SNX17: variants seen among roughly 807,000 people sequenced by gnomAD.
The protein encoded by SNX17 is sorting nexin 17.
A neutral mutation model predicts 64.3 loss-of-function variants in SNX17; 35 were observed. That is an observed-to-expected ratio of 0.54 (90% confidence interval 0.42 to 0.72). The LOEUF (loss-of-function observed/expected upper bound fraction) is 0.72. Among genes scored for constraint, SNX17 ranks in the 30% least tolerant of loss-of-function variants. The probability of loss-of-function intolerance (pLI) is 0.00; values close to 1 mark genes in which losing one functional copy is unlikely to be tolerated. For synonymous variants in SNX17, 259 were observed against 230.2 expected, an observed-to-expected ratio of 1.13 and a Z score of -1.13; for missense variants, 538 against 610.0, an observed-to-expected ratio of 0.88 and a Z score of 1.24.
intron 3 of SNX17, chr2:27,373,035 C>T (rs1297475550): frequency 2.6e-6 from 4 of 1,545,482 alleles, no homozygotes; most frequent in Admixed American, 2.0e-5. Flanking sequence ...TTGTTATTTC[C>T]CTAGTTCTAT....
At chr2:27,374,611 T>C in intron 7 of SNX17, 78 bp from the exon 8 acceptor site, 4 of 1,444,240 alleles carry the variant, frequency 2.8e-6, no homozygotes, top group South Asian at 2.3e-5. Context: ...ATTGCTCCTG[T>C]TTTGCCCATT....
chr2:27,371,271 C>T lies in SNX17; in HGVS notation c.66C>T (p.Ala22=), dbSNP rs767204899. The T allele has an allele frequency of 3.7e-6, 6 of 1,613,526 alleles. No individual in the cohort carries two copies. The African/African-American group carries it at 5.3e-5, about 14-fold the overall frequency. ...CTTGACTACTTTTGTGTCCTCAGGC[C>T]TATAACATTCACGTGAATGGAGTCC... ...SGDSGGSAYV[A]YNIHVNGVLH... is the part of the protein sequence containing the mutation. The change falls in exon 2 of 15, where the codon GCC becomes GCT. Residue 22 remains alanine (A), a splice_region_variant and synonymous_variant. Transcript: ENST00000233575.
At chr2:27,372,934 C>A in intron 3 of SNX17, 194 bp downstream of exon 3, 1 of 1,305,120 alleles carries the variant, frequency 7.7e-7, no homozygotes, top group Admixed American at 2.0e-5. Context: ...AATTTGGGCA[C>A]TAACATCTAT....
In SNX17 at chr2:27,373,241, T is replaced by C. The variant is rs549308135; in HGVS notation, c.257-6T>C. 6.2e-7 allele frequency: 1 copy of C among 1,614,154 alleles called. No individual in the cohort carries two copies. Among genetic ancestry groups the C allele is most frequent in the East Asian group, 2.2e-5 (1 of 44,886 alleles). ...TTCCTGTAATAATGTTCTCTTGTCCTCGTAGTTCGGCAAGACCCATTGCTT... is the reference window on the plus strand; with the variant it reads ...TTCCTGTAATAATGTTCTCTTGTCCCCGTAGTTCGGCAAGACCCATTGCTT... On this transcript the variant is annotated splice_polypyrimidine_tract_variant and splice_region_variant and intron_variant, in intron 3 of 14. Coordinates refer to ENST00000233575, the MANE Select transcript of SNX17 (RefSeq NM_014748.4).
In SNX17 at chr2:27,373,979, G is replaced by C; in HGVS notation, c.432+8G>C. 6.2e-7 allele frequency: 1 copy of C among 1,613,084 alleles called. No homozygotes were observed. The highest frequency in any genetic ancestry group is 8.5e-7 in the Non-Finnish European group (1 of 1,179,036). On this transcript the variant is annotated splice_region_variant and intron_variant, in intron 5 of 14. Coordinates refer to ENST00000233575, the MANE Select transcript of SNX17 (RefSeq NM_014748.4). ...ACTGAGGATGTCCTGGAGGTGAGGC[G>C]CTTGTTCAGCACTGCCCCTTCTTCC...
rs532985156 is a variant in SNX17 at position 27,376,874 on chromosome 2, C to T, written c.*155C>T. On this transcript the variant is annotated 3_prime_UTR_variant, in exon 15 of 15. Transcript: ENST00000233575. Reference sequence around the variant, plus strand: ...GCCAGGGGCCTCGTATCCTACCTTTCCTTGTCCCCTGGGCTGGCTGCACAG... The same window carrying T: ...GCCAGGGGCCTCGTATCCTACCTTTTCTTGTCCCCTGGGCTGGCTGCACAG... 4.7e-6 allele frequency: 3 copies of T among 639,594 alleles called. No homozygotes were observed. The highest frequency in any genetic ancestry group is 2.7e-5 in the Admixed American group (1 of 36,618). 39.6% of individuals were successfully genotyped at this position (639,594 alleles called of 1,614,324 possible).
chr2:27,372,025 C>T (rs2148393428), intron 2 of SNX17, among the ~76,000 whole-genome samples: 1 of 152,284 alleles, frequency 6.6e-6, no homozygotes, highest in East Asian at 1.9e-4. Flanking sequence ...GCTGGGATTA[C>T]AGGCGGCTGC....
rs547310409 is a variant in SNX17, at chr2:27,375,202, G to A, written c.774+49G>A. 2.9e-5 allele frequency: 44 copies of A among 1,528,766 alleles called. No homozygotes were observed. The highest frequency in any genetic ancestry group is 4.1e-5 in the African/African-American group (3 of 73,366). 94.7% of individuals were successfully genotyped at this position (1,528,766 alleles called of 1,614,324 possible). ...TTCCTCTAAGGGCTTGCAGTGGCGCGATCTTGGCTCACTGCAAGCTCTGCC... is the reference window on the plus strand; with the variant it reads ...TTCCTCTAAGGGCTTGCAGTGGCGCAATCTTGGCTCACTGCAAGCTCTGCC... On this transcript the variant is annotated intron_variant, in intron 9 of 14. Coordinates refer to ENST00000233575, the MANE Select transcript of SNX17 (RefSeq NM_014748.4). This position sits in a 1 kb window ranked among gnomAD's most constrained non-coding sequence, Gnocchi z 4.1.
rs1682381314 is a variant in SNX17, at chr2:27,370,698, GCGGCCCT to G, written c.-44_-38del. 1 of 1,517,358 alleles carries G rather than the reference GCGGCCCT, an allele frequency of 6.6e-7. No individual in the cohort carries two copies. The highest frequency in any genetic ancestry group is 8.9e-7 in the Non-Finnish European group (1 of 1,126,222). The allele number at this position is 1,517,358 out of a possible 1,614,324, so 94.0% of individuals were successfully genotyped here. ...CGGAGGGGGAGCGTGCAGAGCCGCT[GCGGCCCT>G]CACAGTCCGGAGCCCGGCCGTGCCG... On this transcript the variant is annotated 5_prime_UTR_variant, in exon 1 of 15. Transcript: ENST00000233575.
In SNX17 at chr2:27,376,834, A is replaced by C; in HGVS notation, c.*115A>C. On this transcript the variant is annotated 3_prime_UTR_variant, in exon 15 of 15. Transcript: ENST00000233575. ...GTCTTTTCCTTCTTCTTTCCTACCT[A>C]CCCCTTTTCTCTTGGCCAGGGGCCT... The C allele has an allele frequency of 1.2e-6, 1 of 828,806 alleles. No individual in the cohort carries two copies. Among genetic ancestry groups the C allele is most frequent in the Non-Finnish European group, 1.9e-6 (1 of 519,204 alleles). 51.3% of individuals were successfully genotyped at this position (828,806 alleles called of 1,614,324 possible).
At chr2:27,372,442 G>C (rs1445787214) in intron 2 of SNX17, among the ~76,000 whole-genome samples, 181 bp from the exon 3 acceptor site, 2 of 152,142 alleles carry the variant, frequency 1.3e-5, no homozygotes, top group Admixed American at 1.3e-4. Context: ...CTTATATCTA[G>C]GACAGCTCCC....
intron 1 of SNX17, 149 bp downstream of exon 1, chr2:27,370,955 C>G (rs1433767943): frequency 7.4e-6 from 7 of 950,068 alleles, no homozygotes; most frequent in African/African-American, 1.7e-5. Context: ...GAGCTTATCT[C>G]ATGTGTGTGA....
intron 1 of SNX17, 53 bp downstream of exon 1, chr2:27,370,859 C>T: frequency 6.6e-7 from 1 of 1,519,306 alleles, no homozygotes; most frequent in Non-Finnish European, 8.8e-7. Context: ...GATAACGGGC[C>T]CGAGCCATCT....
intron 2 of SNX17, among the ~76,000 whole-genome samples, chr2:27,372,205 C>T (rs1258191623): frequency 6.6e-6 from 1 of 152,192 alleles, no homozygotes; most frequent in African/African-American, 2.4e-5. Context: ...TCAGTTTCTA[C>T]AACTGAAAGA....
In SNX17 at chr2:27,370,658, G is replaced by T; in HGVS notation, c.-86G>T. On this transcript the variant is annotated 5_prime_UTR_variant, in exon 1 of 15. Transcript: ENST00000233575. ...CCCAAAATGGCGAGTGAGGCTGCGG[G>T]GACTCGCTGAGCAGCGGAGGGGGAG... The T allele has an allele frequency of 6.8e-7, 1 of 1,472,890 alleles. No individual in the cohort carries two copies. Among genetic ancestry groups the T allele is most frequent in the Non-Finnish European group, 9.0e-7 (1 of 1,108,560 alleles). The allele number at this position is 1,472,890 out of a possible 1,614,324, so 91.2% of individuals were successfully genotyped here. A position where few individuals can be genotyped will look rare whatever the true frequency, so the allele number is the denominator to read the frequency against.
intron 4 of SNX17, 51 bp downstream of exon 4, chr2:27,373,362 T>G (rs1215457875): frequency 3.7e-5 from 59 of 1,587,150 alleles, no homozygotes; most frequent in Non-Finnish European, 5.1e-5. Flanking sequence ...TGCTGGAAGG[T>G]CATGTCTTTT....
In SNX17 at chr2:27,375,678, C is replaced by T; in HGVS notation, c.947C>T (p.Thr316Ile). Reference sequence around the variant, plus strand: ...CTCCGAGAAGGCTCCTTCCGGGTCACCCGCATGCGATGCTGGCGGGTCACC... The same window carrying T: ...CTCCGAGAAGGCTCCTTCCGGGTCATCCGCATGCGATGCTGGCGGGTCACC... ...QQLREGSFRV[T>I]RMRCWRVTSS... The change falls in exon 10 of 15, where the codon ACC becomes ATC. Residue 316 changes from threonine (T) to isoleucine (I), a missense_variant. Physicochemically the swap from Thr to Ile is moderately conservative, Grantham distance 89. Around this residue, in one of 3 missense-constraint regions of SNX17, gnomAD observed 505 missense variants for 550.4 expected, o/e 0.92. Coordinates refer to ENST00000233575, the MANE Select transcript of SNX17 (RefSeq NM_014748.4). The surrounding 1 kb of genome is among the most constrained non-coding windows in gnomAD (Gnocchi z 4.1). 6.2e-7 allele frequency: 1 copy of T among 1,614,180 alleles called. No individual in the cohort carries two copies. The highest frequency in any genetic ancestry group is 8.5e-7 in the Non-Finnish European group (1 of 1,180,038).
rs536704518 is a variant in SNX17, at chr2:27,377,328, C to T, written c.*609C>T. ...CCCCCAGCCGGTTTGTCCACAGCCCCTGGGGGCAGTGGAGGTGAATACAGG... is the reference window on the plus strand; with the variant it reads ...CCCCCAGCCGGTTTGTCCACAGCCCTTGGGGGCAGTGGAGGTGAATACAGG... On this transcript the variant is annotated 3_prime_UTR_variant, in exon 15 of 15. Coordinates refer to ENST00000233575, the MANE Select transcript of SNX17 (RefSeq NM_014748.4). The surrounding 1 kb of genome is among the most constrained non-coding windows in gnomAD (Gnocchi z 4.4). 4 of 695,238 alleles carry T rather than the reference C, an allele frequency of 5.8e-6. No homozygotes were observed. The highest frequency in any genetic ancestry group is 1.0e-5 in the Non-Finnish European group (4 of 382,668). 43.1% of individuals were successfully genotyped at this position (695,238 alleles called of 1,614,324 possible). A position where few individuals can be genotyped will look rare whatever the true frequency, so the allele number is the denominator to read the frequency against.
In SNX17 at chr2:27,373,928, T is replaced by C. The variant is rs1159213422; in HGVS notation, c.389T>C (p.Leu130Pro). The C allele has an allele frequency of 3.1e-6, 5 of 1,614,096 alleles. No individual in the cohort carries two copies. The highest frequency in any genetic ancestry group is 4.2e-6 in the Non-Finnish European group (5 of 1,180,048). Residue 130 changes from leucine (L) to proline (P), a missense_variant, in exon 5 of 15, where the codon CTG becomes CCG. Physicochemically the swap from Leu to Pro is moderately conservative, Grantham distance 98. This residue lies in a region of SNX17 where 505 missense variants were observed against 550.4 expected (regional missense o/e 0.92). Coordinates refer to ENST00000233575, the MANE Select transcript of SNX17 (RefSeq NM_014748.4). The stretch of plus-strand genomic sequence containing the variant: ...CTGCTCAGCAACGGGCAGAAAGTTC[T>C]GGTCAACGTGCTAACTTCAGATCAG... ...EVLLSNGQKV[L>P]VNVLTSDQTE...
Sources: allele counts gnomAD v4.1 joint callset (sites outside exome capture counted in the v4.1 genomes callset), GRCh38; gene constraint gnomAD v4.1.1; regional missense constraint gnomAD v4.1.1; non-coding constraint Gnocchi (gnomAD v3.1); transcripts MANE v1.5; gene names NCBI Gene and HGNC (gene_info 2026-07-23, HGNC 2026-07-21).